The following CFAP65 variants were observed in gnomAD, a reference collection of about 807,000 sequenced individuals.
CFAP65 encodes the protein cilia- and flagella-associated protein 65.
A neutral mutation model predicts 208.0 loss-of-function variants in CFAP65; 155 were observed. That is an observed-to-expected ratio of 0.75 (90% confidence interval 0.65 to 0.85). The LOEUF is 0.85. CFAP65 is among the 40% of genes least tolerant of loss of function. The probability of loss-of-function intolerance (pLI) is 0.00; values close to 1 mark genes in which losing one functional copy is unlikely to be tolerated. For missense variants in CFAP65, 2,294 were observed against 2,451.3 expected, an observed-to-expected ratio of 0.94 and a Z score of 1.36; for synonymous variants, 970 against 986.3, an observed-to-expected ratio of 0.98 and a Z score of 0.31.
chr2:219,029,914 G>T, intron 10 of CFAP65, 72 bp downstream of exon 10: 3 of 1,457,692 alleles, frequency 2.1e-6, no homozygotes, highest in Non-Finnish European at 2.8e-6. Flanking sequence ...CTAGGAGCAG[G>T]GAAGGAGCTC....
At position 219,022,308 on chromosome 2, in the gene CFAP65, G is replaced by T; in HGVS notation, c.2842C>A (p.Pro948Thr). The change falls in exon 17 of 35, where the codon CCT becomes ACT. Residue 948 changes from proline to threonine, a missense_variant. By Grantham distance (38) the Pro-to-Thr change is conservative. Transcript: ENST00000341552. ...AACAGGTACTTGGTCTCCTCCAAAG[G>T]GCTGAAGGTCCACGTCAGCGTCTGG... ...ERLTLTWTFS[P>T]LEETKYLFQV... is the part of the protein sequence containing the mutation. The T allele has an allele frequency of 6.2e-7, 1 of 1,605,520 alleles. No individual in the cohort carries two copies. The highest frequency in any genetic ancestry group is 8.5e-7 in the Non-Finnish European group (1 of 1,176,298).
At chr2:219,014,689 G>A (rs959294595) in intron 21 of CFAP65, 6 of 152,474 alleles carry the variant, frequency 3.9e-5, no homozygotes, top group African/African-American at 1.4e-4. Flanking sequence ...AAACCGGGTG[G>A]AGGATACGAT....
Position 219,019,188 on chromosome 2 carries a change from A to C in CFAP65, c.3474-9T>G. The C allele has an allele frequency of 1.2e-6, 2 of 1,608,386 alleles. No individual in the cohort carries two copies. Among genetic ancestry groups the C allele is most frequent in the Non-Finnish European group, 1.7e-6 (2 of 1,176,594 alleles). On this transcript the variant is annotated splice_polypyrimidine_tract_variant and intron_variant, in intron 20 of 34. Transcript: ENST00000341552. ...GGGGGATCTGGCTCATGCTGTGAGG[A>C]ACAGAGAAAGGGGTTCAGAGATGGG... is the stretch of plus-strand genomic sequence containing the variant.
rs751851632 is a variant in CFAP65, at chr2:219,004,495, C to T, written c.5052-40G>A. ...GAAGGAGAAGGCCCTTGCTGAGGGG[C>T]CCTGAAGCCCCTGGGGAGCCCTGGC... On this transcript the variant is annotated intron_variant, in intron 32 of 34. Transcript: ENST00000341552. This position sits in a 1 kb window ranked among gnomAD's most constrained non-coding sequence, Gnocchi z 4.7. 6.4e-7 allele frequency: 1 copy of T among 1,555,754 alleles called. No homozygotes were observed. Among genetic ancestry groups the T allele is most frequent in the South Asian group, 1.3e-5 (1 of 79,130 alleles).
At position 219,031,290 on chromosome 2, in the gene CFAP65, G is replaced by T; in HGVS notation, c.831C>A (p.Phe277Leu). 6.2e-7 allele frequency: 1 copy of T among 1,613,824 alleles called. No individual in the cohort carries two copies. Among genetic ancestry groups the T allele is most frequent in the Non-Finnish European group, 8.5e-7 (1 of 1,179,796 alleles). Residue 277 changes from phenylalanine to leucine, a missense_variant, in exon 8 of 35, where the codon TTC becomes TTA. Phe to Leu is a conservative substitution (Grantham distance 22). Coordinates refer to ENST00000341552, the MANE Select transcript of CFAP65 (RefSeq NM_194302.4). This position sits in a 1 kb window ranked among gnomAD's most constrained non-coding sequence, Gnocchi z 5.2. ...CLDNVGDLPT[F>L]FTWEFSSPFQ... is the part of the protein sequence containing the mutation. ...ATGGGCTGGAGAACTCCCAGGTGAAGAAGGTGGGCAGGTCCCTGGGGGTGG... is the reference window on the plus strand; with the variant it reads ...ATGGGCTGGAGAACTCCCAGGTGAATAAGGTGGGCAGGTCCCTGGGGGTGG...
At chr2:219,030,649 G>A in intron 9 of CFAP65, 40 bp downstream of exon 9, 1 of 1,596,476 alleles carries the variant, frequency 6.3e-7, no homozygotes, top group Non-Finnish European at 8.5e-7. Flanking sequence ...TTCCAATCCT[G>A]GGGGCGTGAG....
chr2:219,008,551 C>G (rs1476422982), intron 29 of CFAP65, among the ~76,000 whole-genome samples: 1 of 152,070 alleles, frequency 6.6e-6, no homozygotes, highest in East Asian at 1.9e-4. Flanking sequence ...TCGAGACCAG[C>G]CTGGCCAACA....
intron 2 of CFAP65, among the ~76,000 whole-genome samples, chr2:219,039,935 A>G (rs1435489165): frequency 2.6e-5 from 4 of 152,336 alleles, no homozygotes; most frequent in East Asian, 3.9e-4. Flanking sequence ...TCAAATAACA[A>G]TCTCAAAAAT....
At position 219,024,484 on chromosome 2, in the gene CFAP65, GGCA is replaced by G. The variant is rs796727876; in HGVS notation, c.2350-227_2350-225del. ...GACCTCCAGAAAGGGGCGGGGGGGGGGCAGGGGGGCGGGGGCACAGGCCCCTGG... is the reference window on the plus strand; with the variant it reads ...GACCTCCAGAAAGGGGCGGGGGGGGGGGGGGGCGGGGGCACAGGCCCCTGG... On this transcript the variant is annotated intron_variant, in intron 14 of 34. Transcript: ENST00000341552. 3.3e-3 allele frequency among the ~76,000 whole-genome samples: 420 copies of G among 127,356 alleles called. 20 individuals are homozygous for G. The highest frequency in any genetic ancestry group is 0.013 in the African/African-American group (396 of 31,490). 83.6% of individuals were successfully genotyped at this position (127,356 alleles called of 152,430 possible).
chr2:219,030,535 GAGA>G lies in CFAP65; in HGVS notation c.1161+151_1161+153del, dbSNP rs1456404825. Among the ~76,000 whole-genome samples the G allele has an allele frequency of 5.9e-5, 9 of 152,370 alleles. No homozygotes were observed. The East Asian group carries it at 1.7e-3, about 29-fold the overall frequency. On this transcript the variant is annotated intron_variant, in intron 9 of 34. Coordinates refer to ENST00000341552, the MANE Select transcript of CFAP65 (RefSeq NM_194302.4). Reference sequence around the variant, plus strand: ...TACCCCAGCCCAGCCCCCAGCTGAGGAGAAGGACACACCTGTTGACAGCTGACA... The same window carrying G: ...TACCCCAGCCCAGCCCCCAGCTGAGGAGGACACACCTGTTGACAGCTGACA...
chr2:219,029,937 A>G, intron 10 of CFAP65, 49 bp downstream of exon 10: 1 of 1,556,260 alleles, frequency 6.4e-7, no homozygotes, highest in Non-Finnish European at 8.8e-7. Flanking sequence ...CAGAATCCTC[A>G]GCAGGGGCTG....
chr2:219,006,571 T>C, intron 29 of CFAP65, 62 bp from the exon 30 acceptor site: 1 of 1,537,358 alleles, frequency 6.5e-7, no homozygotes, highest in Non-Finnish European at 9.0e-7. Flanking sequence ...TGGTGCTTCA[T>C]GCCTGTAATC....
At chr2:219,014,201 T>C (rs751703025) in intron 21 of CFAP65, 157 bp from the exon 22 acceptor site, 16 of 540,234 alleles carry the variant, frequency 3.0e-5, no homozygotes, top group Admixed American at 6.9e-5. Flanking sequence ...TGAGCAAATG[T>C]GGCTGTTGTG....
rs905831905 is a variant in CFAP65, at chr2:219,038,948, A to G, written c.101T>C (p.Leu34Pro). ...ASSFPLIPLL[L>P]RGKSVQKKQA... ...TTTCTTCTGAACACTCTTGCCTCTT[A>G]GGAGAAGAGGAATAAGGGGGAAAGA... Residue 34 changes from leucine to proline, a missense_variant, in exon 3 of 35, where the codon CTA (leucine) becomes CCA (proline). This residue lies in a region of CFAP65 where 867 missense variants were observed against 1,012.6 expected (regional missense o/e 0.86). Transcript: ENST00000341552. The G allele has an allele frequency of 3.8e-5, 62 of 1,613,584 alleles. No individual in the cohort carries two copies. The highest frequency in any genetic ancestry group is 4.9e-5 in the Non-Finnish European group (58 of 1,179,764).
rs748198628 is a variant in CFAP65 at position 219,035,287 on chromosome 2, G to A, written c.542+193C>T. On this transcript the variant is annotated intron_variant, in intron 5 of 34. Transcript: ENST00000341552. The stretch of plus-strand genomic sequence containing the variant: ...ATACATTATGGTACAGGCACACATT[G>A]GGACACTATACCACAATGAAAAATA... 1.5e-5 allele frequency: 22 copies of A among 1,493,190 alleles called. No individual in the cohort carries two copies. In the Admixed American group the frequency reaches 4.3e-4, roughly 29 times the overall value. 92.5% of individuals were successfully genotyped at this position (1,493,190 alleles called of 1,614,324 possible). A position where few individuals can be genotyped will look rare whatever the true frequency, so the allele number is the denominator to read the frequency against.
intron 1 of CFAP65, among the ~76,000 whole-genome samples, chr2:219,040,963 G>A (rs534471043): frequency 1.2e-5 from 1 of 85,004 alleles, no homozygotes; most frequent in African/African-American, 3.7e-5. Context: ...ATTTGAAAAA[G>A]CACTAAACAA....
Position 219,028,190 on chromosome 2 carries a change from G to C in CFAP65, c.1851+11C>G. 1 of 1,612,864 alleles carries C rather than the reference G, an allele frequency of 6.2e-7. No homozygotes were observed. Among genetic ancestry groups the C allele is most frequent in the Non-Finnish European group, 8.5e-7 (1 of 1,179,122 alleles). The stretch of plus-strand genomic sequence containing the variant: ...TAGAGAAGGGATATGCAGCTGGGGA[G>C]GGCACTGTACCTGGATGGGAATCAT... On this transcript the variant is annotated intron_variant, in intron 12 of 34. Transcript: ENST00000341552.
Position 219,032,563 on chromosome 2 carries a change from C to A in CFAP65, c.552G>T (p.Lys184Asn). The part of the protein sequence containing the change: ...KLQKMKYRPP[K>N]TKFFFTVIPQ... ...GGATGACCGTGAAGAAGAACTTGGT[C>A]TTGGGGGGCCTGCAGGAGAGAGCCG... Residue 184 changes from lysine to asparagine, a missense_variant, in exon 6 of 35, where the codon AAG becomes AAT. Around this residue, in one of 2 missense-constraint regions of CFAP65, gnomAD observed 867 missense variants for 1,012.6 expected, o/e 0.86. Transcript: ENST00000341552. The surrounding 1 kb of genome is among the most constrained non-coding windows in gnomAD (Gnocchi z 5.5). 6.3e-7 allele frequency: 1 copy of A among 1,598,096 alleles called. No homozygotes were observed. The highest frequency in any genetic ancestry group is 1.1e-5 in the South Asian group (1 of 88,064).
rs1948065318 is a variant in CFAP65 at position 219,031,872 on chromosome 2, G to C, written c.646-214C>G. Among the ~76,000 whole-genome samples, 3 of 152,092 alleles carry C rather than the reference G, an allele frequency of 2.0e-5. No individual in the cohort carries two copies. The highest frequency in any genetic ancestry group is 4.1e-4 in the South Asian group (2 of 4,824). On this transcript the variant is annotated intron_variant, in intron 6 of 34. Transcript: ENST00000341552. This position sits in a 1 kb window ranked among gnomAD's most constrained non-coding sequence, Gnocchi z 5.2. ...GAAAAAGTATTTTGAGGAAATGTGG[G>C]TGGGGAGTGGCAGGAAGAGGCCAAG...
Sources: allele counts gnomAD v4.1 joint callset (sites outside exome capture counted in the v4.1 genomes callset), GRCh38; gene constraint gnomAD v4.1.1; regional missense constraint gnomAD v4.1.1; non-coding constraint Gnocchi (gnomAD v3.1); transcripts MANE v1.5; gene names NCBI Gene and HGNC (gene_info 2026-07-23, HGNC 2026-07-21).